The following TENM4 variants were observed in gnomAD, a reference collection of about 807,000 sequenced individuals.
The protein encoded by TENM4 is teneurin-4.
TENM4 carries 82 observed loss-of-function variants against 243.3 expected under a neutral mutation model. That is an observed-to-expected ratio of 0.34 (90% CI 0.28 to 0.40). The LOEUF (loss-of-function observed/expected upper bound fraction) is 0.40. Among genes scored for constraint, TENM4 ranks in the 10% least tolerant of loss-of-function variants. The pLI is 1.00. For synonymous variants in TENM4, 1,412 were observed against 1,456.3 expected (o/e 0.97, Z 0.69); for missense variants, 3,138 against 3,673.3 (o/e 0.85, Z 3.77).
chr11:79,152,363 G>A (rs1377131977), intron 3 of TENM4, among the ~76,000 whole-genome samples: 1 of 152,102 alleles, frequency 6.6e-6, no homozygotes, highest in Non-Finnish European at 1.5e-5. Flanking sequence ...GAGGAGAACC[G>A]GAGAGGTTCA....
chr11:78,778,870 G>A (rs1322172922), intron 16 of TENM4, among the ~76,000 whole-genome samples: 1 of 152,190 alleles, frequency 6.6e-6, no homozygotes, highest in Non-Finnish European at 1.5e-5. Flanking sequence ...CAGGCATTTG[G>A]AAATGTGATC....
intron 1 of TENM4, among the ~76,000 whole-genome samples, chr11:79,331,011 G>A (rs964688495): frequency 8.5e-5 from 13 of 152,188 alleles, no homozygotes; most frequent in African/African-American, 2.9e-4. Flanking sequence ...GGAACCAGAC[G>A]TTTCCCTCTC....
At chr11:78,842,936 G>A (rs1353735477) in intron 12 of TENM4, among the ~76,000 whole-genome samples, 1 of 152,190 alleles carries the variant, frequency 6.6e-6, no homozygotes, top group Non-Finnish European at 1.5e-5. Flanking sequence ...CGCTTTGGGA[G>A]GCTGAGGTGG....
intron 2 of TENM4, among the ~76,000 whole-genome samples, chr11:79,261,910 G>T (rs1318442534): frequency 2.0e-5 from 3 of 152,182 alleles, no homozygotes; most frequent in African/African-American, 7.2e-5. Flanking sequence ...ATGGATGAAA[G>T]CAAGTCATAT....
chr11:79,321,975 T>C (rs996956694), intron 1 of TENM4, among the ~76,000 whole-genome samples: 23 of 152,144 alleles, frequency 1.5e-4, no homozygotes, highest in African/African-American at 5.3e-4. Flanking sequence ...TGGGATTACA[T>C]AGGGCCTGGA....
chr11:78,940,069 C>T (rs1373574625), intron 6 of TENM4, among the ~76,000 whole-genome samples: 1 of 152,106 alleles, frequency 6.6e-6, no homozygotes, highest in Non-Finnish European at 1.5e-5. Context: ...GTCACAGCTA[C>T]AACAGTAATA....
intron 6 of TENM4, among the ~76,000 whole-genome samples, chr11:78,971,917 C>T (rs543434410): frequency 9.2e-5 from 14 of 151,878 alleles, no homozygotes; most frequent in Non-Finnish European, 1.3e-4. Flanking sequence ...TATTAAGTGA[C>T]GTGGGAAATA....
intron 1 of TENM4, among the ~76,000 whole-genome samples, chr11:79,383,403 G>A (rs1160179847): frequency 6.6e-6 from 1 of 152,174 alleles, no homozygotes; most frequent in Admixed American, 6.5e-5. Flanking sequence ...AACCCTGACT[G>A]CTCCACTTCC....
intron 2 of TENM4, among the ~76,000 whole-genome samples, chr11:79,234,974 G>A (rs767233816): frequency 7.2e-5 from 11 of 152,040 alleles, no homozygotes; most frequent in Non-Finnish European, 1.5e-4. Context: ...GAAGCCACAG[G>A]GCCTTGTTAA....
At chr11:79,343,806 G>A (rs1041515836) in intron 1 of TENM4, among the ~76,000 whole-genome samples, 3 of 152,174 alleles carry the variant, frequency 2.0e-5, no homozygotes, top group African/African-American at 7.2e-5. Flanking sequence ...CAGCCATCTG[G>A]GGTCCTTTGG....
chr11:78,874,153 G>T (rs536198687), intron 9 of TENM4, among the ~76,000 whole-genome samples: 1 of 152,186 alleles, frequency 6.6e-6, no homozygotes, highest in South Asian at 2.1e-4. Context: ...GAACAGATCT[G>T]TAGAGAGACA....
At chr11:79,137,315 C>T (rs988030832) in intron 4 of TENM4, among the ~76,000 whole-genome samples, 1 of 152,142 alleles carries the variant, frequency 6.6e-6, no homozygotes, top group African/African-American at 2.4e-5. Context: ...AATCAGTCTG[C>T]TACTCCACAA....
intron 1 of TENM4, among the ~76,000 whole-genome samples, chr11:79,303,419 G>A (rs1184224443): frequency 1.3e-5 from 2 of 152,168 alleles, no homozygotes; most frequent in African/African-American, 4.8e-5. Flanking sequence ...ATGTGTCTAT[G>A]ACCTAGTAAA....
At chr11:78,913,845 T>C (rs1381205401) in intron 6 of TENM4, among the ~76,000 whole-genome samples, 1 of 152,164 alleles carries the variant, frequency 6.6e-6, no homozygotes, top group African/African-American at 2.4e-5. Flanking sequence ...TCAAGGTCTC[T>C]GGAGCTAGTT....
intron 1 of TENM4, among the ~76,000 whole-genome samples, chr11:79,307,050 C>A (rs1856637483): frequency 6.6e-6 from 1 of 152,192 alleles, no homozygotes; most frequent in East Asian, 1.9e-4. Flanking sequence ...AAATCAACCA[C>A]TATCAGACCA....
intron 4 of TENM4, among the ~76,000 whole-genome samples, chr11:79,129,447 T>A (rs1861952824): frequency 6.6e-6 from 1 of 152,110 alleles, no homozygotes; most frequent in East Asian, 1.9e-4. Flanking sequence ...GCCCTTTTCT[T>A]TTGCAGCTGG....
At chr11:78,811,833 C>T (rs1857507874) in intron 14 of TENM4, among the ~76,000 whole-genome samples, 1 of 152,236 alleles carries the variant, frequency 6.6e-6, no homozygotes, top group African/African-American at 2.4e-5. Context: ...GAGATGATTA[C>T]TCCTCCCTAA....
intron 3 of TENM4, among the ~76,000 whole-genome samples, chr11:79,160,665 C>T (rs1862724588): frequency 6.6e-6 from 1 of 152,290 alleles, no homozygotes; most frequent in Middle Eastern, 3.4e-3. Context: ...GGCTTATCAG[C>T]ATGTCACCAG....
intron 12 of TENM4, among the ~76,000 whole-genome samples, chr11:78,823,850 T>C (rs983093650): frequency 2.6e-5 from 4 of 152,230 alleles, no homozygotes; most frequent in African/African-American, 9.6e-5. Context: ...CAGGATCTAC[T>C]TCATAGCTTG....
Sources: gnomAD v4.1 joint callset for allele counts (sites outside exome capture counted in the v4.1 genomes callset) on GRCh38, gnomAD v4.1.1 for gene constraint, MANE v1.5 for transcripts, NCBI Gene and HGNC (gene_info 2026-07-23, HGNC 2026-07-21) for gene names.